GALR1: variants seen among roughly 807,000 people sequenced by gnomAD.
The protein encoded by GALR1 is galanin receptor 1.
A neutral mutation model predicts 17.9 loss-of-function variants in GALR1; 11 were observed. That is an observed-to-expected ratio of 0.62 (90% CI 0.39 to 1.02). GALR1 has a LOEUF of 1.02. Ranked by LOEUF, GALR1 falls within the 50% of genes least tolerant of loss-of-function variation. The pLI, the probability that GALR1 is intolerant of heterozygous loss-of-function variation, is 0.01. For missense variants in GALR1, 441 were observed against 456.9 expected, an observed-to-expected ratio of 0.97 and a Z score of 0.32; for synonymous variants, 206 against 205.7, an observed-to-expected ratio of 1.00 and a Z score of -0.01.
At chr18:77,256,648 A>G (rs2850880) in intron 2 of GALR1, among the ~76,000 whole-genome samples, 57,628 of 152,068 alleles carry the variant, frequency 0.38, 11,362 homozygotes, top group East Asian at 0.6. Flanking sequence ...TTAAGACAAC[A>G]TTGTTATAAT....
chr18:77,261,723 C>A (rs1340900538), intron 2 of GALR1, among the ~76,000 whole-genome samples: 1 of 152,188 alleles, frequency 6.6e-6, no homozygotes, highest in Non-Finnish European at 1.5e-5. Context: ...TGATACCAAG[C>A]ATTTTTTATT....
chr18:77,274,106 C>T lies in GALR1; in HGVS notation c.*5204C>T, dbSNP rs575389569. ...TGGATATTGATTATGAACACTGGAACTATTTATGTGTCATCATTCCAAAGA... is the reference window on the plus strand; with the variant it reads ...TGGATATTGATTATGAACACTGGAATTATTTATGTGTCATCATTCCAAAGA... On this transcript the variant is annotated 3_prime_UTR_variant, in exon 3 of 3. Coordinates refer to ENST00000299727, the MANE Select transcript of GALR1 (RefSeq NM_001480.4). The T allele has an allele frequency of 6.6e-6, 1 of 152,052 alleles. No individual in the cohort carries two copies. The highest frequency in any genetic ancestry group is 1.5e-5 in the Non-Finnish European group (1 of 68,014). 9.4% of individuals were successfully genotyped at this position (152,052 alleles called of 1,614,324 possible). A position where few individuals can be genotyped will look rare whatever the true frequency, so the allele number is the denominator to read the frequency against.
Position 77,272,338 on chromosome 18 carries a change from C to T in GALR1, c.*3436C>T, listed in dbSNP as rs371834947. The T allele has an allele frequency of 1.3e-5, 2 of 152,336 alleles. No individual in the cohort carries two copies. Among genetic ancestry groups the T allele is most frequent in the South Asian group, 2.1e-4 (1 of 4,830 alleles). 9.4% of individuals were successfully genotyped at this position (152,336 alleles called of 1,614,324 possible). ...TCATTCTAATATGTTAACTGAGACC[C>T]AAGATCTCAGCAGGAGAGGACAGCT... is the stretch of plus-strand genomic sequence containing the variant. On this transcript the variant is annotated 3_prime_UTR_variant, in exon 3 of 3. Coordinates refer to ENST00000299727, the MANE Select transcript of GALR1 (RefSeq NM_001480.4).
chr18:77,268,184 C>T (rs891189986), intron 2 of GALR1, among the ~76,000 whole-genome samples: 6 of 152,124 alleles, frequency 3.9e-5, no homozygotes, highest in African/African-American at 1.4e-4. Flanking sequence ...TCCAGCGCTC[C>T]TCCGAGATGC....
intron 2 of GALR1, among the ~76,000 whole-genome samples, chr18:77,260,999 G>A (rs1233313296): frequency 2.9e-5 from 1 of 34,998 alleles, no homozygotes; most frequent in African/African-American, 5.6e-5. Context: ...CAATTTGTGA[G>A]GTTTTTTTTT....
Position 77,252,884 on chromosome 18 carries a change from CCACCACCACCAT to C in GALR1, c.666+1682_666+1693del, listed in dbSNP as rs1568138978. ...ACCACCACCACCACCACCACCATCA[CCACCACCACCAT>C]CACCACCACCACCACCACCACCACC... is the stretch of plus-strand genomic sequence containing the variant. On this transcript the variant is annotated intron_variant, in intron 1 of 2. Coordinates refer to ENST00000299727, the MANE Select transcript of GALR1 (RefSeq NM_001480.4). Among the ~76,000 whole-genome samples the C allele has an allele frequency of 2.8e-3, 230 of 82,192 alleles. 2 individuals are homozygous for C. Among genetic ancestry groups the C allele is most frequent in the African/African-American group, 7.6e-3 (176 of 23,126 alleles). 53.9% of individuals were successfully genotyped at this position (82,192 alleles called of 152,430 possible).
intron 2 of GALR1, among the ~76,000 whole-genome samples, chr18:77,267,879 G>A (rs1231887761): frequency 6.6e-6 from 1 of 152,158 alleles, no homozygotes; most frequent in Non-Finnish European, 1.5e-5. Flanking sequence ...GGAGGTTGAT[G>A]TCCTCTCCTG....
chr18:77,266,100 A>G (rs1912938418), intron 2 of GALR1, among the ~76,000 whole-genome samples: 1 of 152,122 alleles, frequency 6.6e-6, no homozygotes, highest in African/African-American at 2.4e-5. Flanking sequence ...AAACGTTTAT[A>G]TGCTTTGCTT....
chr18:77,264,446 T>G (rs953460616), intron 2 of GALR1, among the ~76,000 whole-genome samples: 3 of 152,200 alleles, frequency 2.0e-5, no homozygotes, highest in African/African-American at 7.2e-5. Flanking sequence ...TTCTCCCACT[T>G]ATCCATTTTA....
chr18:77,259,032 GGTC>G (rs1461618542), intron 2 of GALR1, among the ~76,000 whole-genome samples: 1 of 13,886 alleles, frequency 7.2e-5, no homozygotes. Context: ...TGTTGGTGGT[GGTC>G]ATGATGGTCA....
chr18:77,251,355 CG>C (rs1025570308), intron 1 of GALR1, 141 bp downstream of exon 1: 7 of 1,310,648 alleles, frequency 5.3e-6, no homozygotes, highest in Non-Finnish European at 7.1e-6. Flanking sequence ...GGCGCTGGTA[CG>C]GATCTGTGCA....
At position 77,250,480 on chromosome 18, in the gene GALR1, C is replaced by T. The variant is rs1187950686; in HGVS notation, c.-69C>T. ...GCTTTGCGCCGGGACCCCTGGCCAC[C>T]CCCGGCGCCTACTATCCCGCCCTCC... On this transcript the variant is annotated 5_prime_UTR_variant, in exon 1 of 3. Transcript: ENST00000299727. 3 of 1,396,132 alleles carry T rather than the reference C, an allele frequency of 2.1e-6. No homozygotes were observed. Among genetic ancestry groups the T allele is most frequent in the South Asian group, 1.6e-5 (1 of 62,952 alleles). The allele number at this position is 1,396,132 out of a possible 1,614,324, so 86.5% of individuals were successfully genotyped here.
rs1913075546 is a variant in GALR1, at chr18:77,272,020, G to C, written c.*3118G>C. The C allele has an allele frequency of 6.6e-6, 1 of 152,172 alleles. No individual in the cohort carries two copies. The highest frequency in any genetic ancestry group is 1.5e-5 in the Non-Finnish European group (1 of 68,014). The allele number at this position is 152,172 out of a possible 1,614,324, so 9.4% of individuals were successfully genotyped here. The stretch of plus-strand genomic sequence containing the variant: ...TGAATACTTTAGGTAAATTACTTTT[G>C]CTTTTAACTAAATTGTTTTATTTTA... On this transcript the variant is annotated 3_prime_UTR_variant, in exon 3 of 3. Coordinates refer to ENST00000299727, the MANE Select transcript of GALR1 (RefSeq NM_001480.4).
Position 77,268,612 on chromosome 18 carries a change from G to T in GALR1, c.760G>T (p.Val254Leu). The T allele has an allele frequency of 6.2e-7, 1 of 1,613,976 alleles. No individual in the cohort carries two copies. Among genetic ancestry groups the T allele is most frequent in the Non-Finnish European group, 8.5e-7 (1 of 1,179,988 alleles). Residue 254 changes from valine (V) to leucine (L), a missense_variant, in exon 3 of 3, where the codon GTG (valine) becomes TTG (leucine). Physicochemically the swap from Val to Leu is conservative, Grantham distance 32 (BLOSUM62 1). Transcript: ENST00000299727. ...KTAQTVLVVV[V>L]VFGISWLPHH... ...TGCACAGACAGTTCTGGTGGTGGTTGTGGTGTTTGGAATCTCCTGGCTGCC... is the reference window on the plus strand; with the variant it reads ...TGCACAGACAGTTCTGGTGGTGGTTTTGGTGTTTGGAATCTCCTGGCTGCC...
intron 2 of GALR1, among the ~76,000 whole-genome samples, chr18:77,264,670 T>G (rs1912908226): frequency 2.6e-5 from 4 of 152,146 alleles, no homozygotes; most frequent in Admixed American, 2.0e-4. Context: ...GATGTTTAAT[T>G]GACTCACACT....
chr18:77,261,972 C>G (rs1443298219), intron 2 of GALR1, among the ~76,000 whole-genome samples: 1 of 152,068 alleles, frequency 6.6e-6, no homozygotes, highest in African/African-American at 2.4e-5. Flanking sequence ...TACACGTGCA[C>G]ACTGCTGCAC....
intron 1 of GALR1, 112 bp from the exon 2 acceptor site, chr18:77,256,046 A>G: frequency 1.5e-6 from 1 of 657,254 alleles, no homozygotes; most frequent in East Asian, 2.6e-5. Context: ...TATTTTAATG[A>G]TCTTATAAAT....
At chr18:77,252,866 C>T (rs1035034131) in intron 1 of GALR1, among the ~76,000 whole-genome samples, 25 of 99,502 alleles carry the variant, frequency 2.5e-4, no homozygotes, top group African/African-American at 7.3e-4. Context: ...ACCACCACCA[C>T]CACCACCACC....
rs1322868112 is a variant in GALR1, at chr18:77,251,024, T to A, written c.476T>A (p.Ile159Asn). The stretch of plus-strand genomic sequence containing the variant: ...AACGCGCTGCTGGGCGTGGGCTGCA[T>A]CTGGGCGCTGTCCATTGCCATGGCC... Reference protein sequence around the residue: ...SRNALLGVGCIWALSIAMASP... With the variant: ...SRNALLGVGCNWALSIAMASP... The change falls in exon 1 of 3, where the codon ATC becomes AAC. Residue 159 changes from isoleucine (I) to asparagine (N), a missense_variant. Coordinates refer to ENST00000299727, the MANE Select transcript of GALR1 (RefSeq NM_001480.4). 1.6e-5 allele frequency: 25 copies of A among 1,605,586 alleles called. No individual in the cohort carries two copies. The highest frequency in any genetic ancestry group is 2.1e-5 in the Non-Finnish European group (25 of 1,179,846).
Sources: allele counts gnomAD v4.1 joint callset (sites outside exome capture counted in the v4.1 genomes callset), GRCh38; gene constraint gnomAD v4.1.1; transcripts MANE v1.5; gene names NCBI Gene and HGNC (gene_info 2026-07-23, HGNC 2026-07-21).